Variants in MROH9 observed in about 807,000 individuals in gnomAD.
MROH9 encodes the protein maestro heat-like repeat-containing protein family member 9.
MROH9 carries 92 observed loss-of-function variants against 98.2 expected under a neutral mutation model. That is an observed-to-expected ratio of 0.94 (90% CI 0.79 to 1.11). MROH9 has a LOEUF of 1.11. Ranked by LOEUF, MROH9 falls within the 50% of genes most tolerant of loss-of-function variation. The probability of loss-of-function intolerance (pLI) is 0.00; values close to 1 mark genes in which losing one functional copy is unlikely to be tolerated. For synonymous variants in MROH9, 397 were observed against 368.9 expected, an observed-to-expected ratio of 1.08 and a Z score of -0.87; for missense variants, 1,057 against 1,014.8, an observed-to-expected ratio of 1.04 and a Z score of -0.57.
intron 15 of MROH9, 83 bp from the exon 16 acceptor site, chr1:171,014,034 A>G: frequency 8.5e-7 from 1 of 1,177,190 alleles, no homozygotes. Context: ...TTCTAGTTTT[A>G]CCTAGAATAT....
intron 14 of MROH9, 127 bp downstream of exon 14, chr1:170,996,771 G>T (rs1651593505): frequency 2.2e-6 from 2 of 894,602 alleles, no homozygotes; most frequent in Admixed American, 2.7e-5. Context: ...AATGATCTGA[G>T]TTGCTATTTG....
At chr1:171,009,263 A>T (rs1318577443) in intron 15 of MROH9, among the ~76,000 whole-genome samples, 1 of 152,072 alleles carries the variant, frequency 6.6e-6, no homozygotes, top group African/African-American at 2.4e-5. Context: ...AGCCAAATTT[A>T]AACTGATGCA....
chr1:170,937,114 C>A (rs1416753855), intron 1 of MROH9, among the ~76,000 whole-genome samples: 1 of 152,196 alleles, frequency 6.6e-6, no homozygotes, highest in Non-Finnish European at 1.5e-5. Flanking sequence ...TAAAGGACTC[C>A]AGCTCTTTCT....
chr1:171,022,194 C>T lies in MROH9; in HGVS notation c.1909-2201C>T, dbSNP rs550115524. On this transcript the variant is annotated intron_variant, in intron 17 of 21. Coordinates refer to ENST00000367759, the MANE Select transcript of MROH9 (RefSeq NM_001163629.2). ...TATTGTGGAATAAAGTATGGTGATT[C>T]GTCAAGGATCTAGAACCAGAAATAC... Among the ~76,000 whole-genome samples, 366 of 152,278 alleles carry T rather than the reference C, an allele frequency of 2.4e-3. 2 individuals carry two copies. Among genetic ancestry groups the T allele is most frequent in the African/African-American group, 8.3e-3 (346 of 41,574 alleles).
intron 20 of MROH9, among the ~76,000 whole-genome samples, chr1:171,035,370 G>C (rs1653064934): frequency 6.6e-6 from 1 of 151,610 alleles, no homozygotes; most frequent in South Asian, 2.1e-4. Context: ...TTAATAATCA[G>C]AAACATGCAA....
chr1:171,007,713 C>T (rs1557895801), intron 15 of MROH9, among the ~76,000 whole-genome samples: 1 of 152,142 alleles, frequency 6.6e-6, no homozygotes, highest in African/African-American at 2.4e-5. Flanking sequence ...GCTCTCAGGC[C>T]ACTGCTGAGA....
At chr1:170,990,559 C>T (rs1382434364) in intron 11 of MROH9, among the ~76,000 whole-genome samples, 2 of 152,156 alleles carry the variant, frequency 1.3e-5, no homozygotes, top group Admixed American at 6.6e-5. Flanking sequence ...ATGAACCTAA[C>T]AGGCACATTA....
At chr1:170,968,284 C>G (rs937055985) in intron 7 of MROH9, among the ~76,000 whole-genome samples, 1 of 152,154 alleles carries the variant, frequency 6.6e-6, no homozygotes, top group African/African-American at 2.4e-5. Flanking sequence ...TACATTGTCC[C>G]GCATTCCTCT....
At chr1:170,959,195 G>A (rs1055971937) in intron 4 of MROH9, among the ~76,000 whole-genome samples, 1 of 152,014 alleles carries the variant, frequency 6.6e-6, no homozygotes, top group Non-Finnish European at 1.5e-5. Flanking sequence ...CTAACATGGT[G>A]AAACCCCGTC....
chr1:171,002,814 G>A (rs935728602), intron 15 of MROH9, among the ~76,000 whole-genome samples: 2 of 152,060 alleles, frequency 1.3e-5, no homozygotes, highest in African/African-American at 4.8e-5. Context: ...GCAAGGCTGG[G>A]GAAGTTTTCC....
intron 15 of MROH9, chr1:170,998,669 G>C (rs991007868): frequency 1.4e-5 from 15 of 1,109,602 alleles, no homozygotes; most frequent in Non-Finnish European, 1.5e-5. Context: ...GGAACTGGCT[G>C]AGTAACTGGG....
chr1:171,034,064 TAGAG>T (rs1274357638), intron 20 of MROH9, among the ~76,000 whole-genome samples: 2 of 152,122 alleles, frequency 1.3e-5, no homozygotes, highest in Non-Finnish European at 1.5e-5. Flanking sequence ...ATTTTAAAAA[TAGAG>T]AAACTGTCAT....
chr1:171,023,834 A>C (rs1652602129), intron 17 of MROH9, among the ~76,000 whole-genome samples: 1 of 152,218 alleles, frequency 6.6e-6, no homozygotes, highest in Middle Eastern at 3.4e-3. Flanking sequence ...CTAGACTTAC[A>C]TTAGATCTCT....
intron 17 of MROH9, 117 bp downstream of exon 17, chr1:171,016,453 C>A: frequency 1.4e-6 from 1 of 725,104 alleles, no homozygotes. Flanking sequence ...GCCACCATTT[C>A]TTTTACAGAG....
intron 20 of MROH9, among the ~76,000 whole-genome samples, chr1:171,057,108 A>C (rs1378707184): frequency 3.3e-5 from 5 of 152,222 alleles, no homozygotes; most frequent in Non-Finnish European, 7.3e-5. Flanking sequence ...CACTGGACGG[A>C]GGATGAGATG....
rs543787636 is a variant in MROH9 at position 171,019,980 on chromosome 1, A to G, written c.1908+3644A>G. On this transcript the variant is annotated intron_variant, in intron 17 of 21. Coordinates refer to ENST00000367759, the MANE Select transcript of MROH9 (RefSeq NM_001163629.2). ...CTGCAAACTACCATCAGAGAACACT[A>G]TTAACATCTATACACAAATAAACGG... Among the ~76,000 whole-genome samples the G allele has an allele frequency of 2.3e-4, 35 of 152,336 alleles. No individual in the cohort carries two copies. In the South Asian group the frequency reaches 6.4e-3, roughly 28 times the overall value.
At chr1:171,037,001 G>A (rs888897362) in intron 20 of MROH9, among the ~76,000 whole-genome samples, 1 of 151,612 alleles carries the variant, frequency 6.6e-6, no homozygotes, top group Non-Finnish European at 1.5e-5. Flanking sequence ...AAAAAATAGC[G>A]TTTATGAAAG....
At chr1:171,059,682 T>C (rs1293826980) in intron 20 of MROH9, among the ~76,000 whole-genome samples, 3 of 152,184 alleles carry the variant, frequency 2.0e-5, no homozygotes, top group Non-Finnish European at 4.4e-5. Flanking sequence ...ATATATACCA[T>C]GGAATACTAT....
At chr1:171,020,961 C>G (rs2101838565) in intron 17 of MROH9, among the ~76,000 whole-genome samples, 1 of 152,092 alleles carries the variant, frequency 6.6e-6, no homozygotes, top group African/African-American at 2.4e-5. Flanking sequence ...TTCCATGCAC[C>G]AACAATAGAC....
Sources: allele counts gnomAD v4.1 joint callset (sites outside exome capture counted in the v4.1 genomes callset), GRCh38; gene constraint gnomAD v4.1.1; transcripts MANE v1.5; gene names NCBI Gene and HGNC (gene_info 2026-07-23, HGNC 2026-07-21).